Variants in ERCC8 observed in about 807,000 individuals in gnomAD.
ERCC8 encodes ERCC excision repair 8, CSA ubiquitin ligase complex subunit, also known as DNA excision repair protein ERCC-8.
A neutral mutation model predicts 54.9 loss-of-function variants in ERCC8; 52 were observed. The observed-to-expected ratio is 0.95, with a 90% confidence interval of 0.76 to 1.19. ERCC8 has a LOEUF of 1.19. Among genes scored for constraint, ERCC8 ranks in the 50% most tolerant of loss-of-function variants. The pLI, the probability that ERCC8 is intolerant of heterozygous loss-of-function variation, is 0.00. For synonymous variants in ERCC8, 146 were observed against 157.2 expected (o/e 0.93, Z 0.53); for missense variants, 514 against 466.1 (o/e 1.10, Z -0.95).
chr5:60,903,480 G>C, intron 6 of ERCC8, 168 bp downstream of exon 6: 1 of 1,183,846 alleles, frequency 8.4e-7, no homozygotes, highest in Non-Finnish European at 1.2e-6. Flanking sequence ...CAATGGTTCA[G>C]TTTTATAAGA....
Position 60,890,985 on chromosome 5 carries a change from G to A in ERCC8, c.945C>T (p.Thr315=), listed in dbSNP as rs1173045461. The change falls in exon 10 of 12, where the codon ACC becomes ACT. Residue 315 remains threonine (T), a synonymous_variant. Coordinates refer to ENST00000676185, the MANE Select transcript of ERCC8 (RefSeq NM_000082.4). The part of the protein sequence containing the change: ...SEFVFVPYGS[T]IAVYTVYSGE... ...CTGAGTAAACTGTATAAACAGCAATGGTGCTACCATATGGTACAAAAACAA... is the reference window on the plus strand; with the variant it reads ...CTGAGTAAACTGTATAAACAGCAATAGTGCTACCATATGGTACAAAAACAA... 4.3e-6 allele frequency: 7 copies of A among 1,612,516 alleles called. No individual in the cohort carries two copies. In the South Asian group the frequency reaches 7.7e-5, roughly 18 times the overall value.
In ERCC8 at chr5:60,898,397, T is replaced by C; in HGVS notation, c.722A>G (p.Asn241Ser). 6.2e-7 allele frequency: 1 copy of C among 1,613,426 alleles called. No homozygotes were observed. Among genetic ancestry groups the C allele is most frequent in the Non-Finnish European group, 8.5e-7 (1 of 1,179,514 alleles). Residue 241 changes from asparagine to serine, a missense_variant, in exon 9 of 12, where the codon AAC becomes AGC. Asn to Ser is a conservative substitution (Grantham distance 46). Transcript: ENST00000676185. ...ATTAACTTTCCCATTATGAGCAGTG[T>C]TTGCTGCAATGAAAAACATAGTTCA... ...GKKSQAVESANTAHNGKVNGL... is the reference protein window; with the variant it reads ...GKKSQAVESASTAHNGKVNGL...
At position 60,903,662 on chromosome 5, in the gene ERCC8, G is replaced by A; in HGVS notation, c.536C>T (p.Ser179Phe). The change falls in exon 6 of 12, where the codon TCT (serine) becomes TTT (phenylalanine). Residue 179 changes from serine (S) to phenylalanine (F), a missense_variant. Physicochemically the swap from Ser to Phe is radical, Grantham distance 155 (BLOSUM62 -2). Coordinates refer to ENST00000676185, the MANE Select transcript of ERCC8 (RefSeq NM_000082.4). ...AATAAAAATACCCTGTAGAATGTGA[G>A]AACAGGATCCAGACTTCAAGTCACA... ...QLCDLKSGSC[S>F]HILQGHRQEI... 3 of 1,612,430 alleles carry A rather than the reference G, an allele frequency of 1.9e-6. No homozygotes were observed. The highest frequency in any genetic ancestry group is 2.5e-6 in the Non-Finnish European group (3 of 1,178,974).
chr5:60,892,062 G>A, intron 9 of ERCC8: 1 of 531,270 alleles, frequency 1.9e-6, no homozygotes, highest in African/African-American at 1.9e-5. Context: ...CTAGAGCCTG[G>A]CCCTGTTGTA....
chr5:60,881,105 C>G (rs911665628), intron 11 of ERCC8, among the ~76,000 whole-genome samples: 3 of 152,088 alleles, frequency 2.0e-5, no homozygotes, highest in Admixed American at 1.3e-4. Flanking sequence ...AGCAACAGGT[C>G]TGTTGAAGTT....
At chr5:60,900,948 T>G (rs1748888921) in intron 7 of ERCC8, 1 of 151,998 alleles carries the variant, frequency 6.6e-6, no homozygotes, top group Non-Finnish European at 1.5e-5. Flanking sequence ...ATGGCTACAT[T>G]CTAGACCTTG....
chr5:60,888,700 G>T (rs1748466085), intron 10 of ERCC8, among the ~76,000 whole-genome samples: 1 of 152,190 alleles, frequency 6.6e-6, no homozygotes. Flanking sequence ...ATCTCAAAAT[G>T]TAAGTTACAA....
Position 60,873,559 on chromosome 5 carries a change from C to A in ERCC8, c.*1056G>T, listed in dbSNP as rs1747910733. Among the ~76,000 whole-genome samples the A allele has an allele frequency of 6.6e-6, 1 of 152,108 alleles. No homozygotes were observed. The highest frequency in any genetic ancestry group is 2.1e-4 in the South Asian group (1 of 4,822). Reference sequence around the variant, plus strand: ...GGGCGCAGTGGCGGGAGCCTGTAATCCCAGCTACTCAGGAGGCTTAGGCAG... The same window carrying A: ...GGGCGCAGTGGCGGGAGCCTGTAATACCAGCTACTCAGGAGGCTTAGGCAG... On this transcript the variant is annotated 3_prime_UTR_variant, in exon 12 of 12. Coordinates refer to ENST00000676185, the MANE Select transcript of ERCC8 (RefSeq NM_000082.4).
At chr5:60,878,563 T>C (rs1249425091) in intron 11 of ERCC8, among the ~76,000 whole-genome samples, 1 of 152,234 alleles carries the variant, frequency 6.6e-6, no homozygotes, top group East Asian at 1.9e-4. Context: ...GTTATTGGTC[T>C]ATTCAGAGAT....
At chr5:60,888,786 G>T (rs969558852) in intron 10 of ERCC8, among the ~76,000 whole-genome samples, 36 of 152,276 alleles carry the variant, frequency 2.4e-4, no homozygotes, top group African/African-American at 8.4e-4. Flanking sequence ...TACTACTCTT[G>T]AATAATTCAG....
At chr5:60,911,561 G>C (rs1561507620) in intron 4 of ERCC8, among the ~76,000 whole-genome samples, 2 of 152,000 alleles carry the variant, frequency 1.3e-5, no homozygotes, top group East Asian at 3.9e-4. Flanking sequence ...CTTAATGGTA[G>C]TTTCTTTTGC....
chr5:60,893,502 C>T, intron 9 of ERCC8: 1 of 880,956 alleles, frequency 1.1e-6, no homozygotes, highest in Non-Finnish European at 1.9e-6. Flanking sequence ...GCTTTCTTCC[C>T]ATTTTGTTTT....
rs1000579451 is a variant in ERCC8 at position 60,871,834 on chromosome 5, C to T, written c.*2781G>A. Among the ~76,000 whole-genome samples, 16 of 152,028 alleles carry T rather than the reference C, an allele frequency of 1.1e-4. No homozygotes were observed. The highest frequency in any genetic ancestry group is 3.9e-4 in the Admixed American group (6 of 15,266). ...TCTTTTGGGAGACACAAGGTCTCGC[C>T]ATGTCACCCAGGCTGGAGTGTAGTG... On this transcript the variant is annotated 3_prime_UTR_variant, in exon 12 of 12. Coordinates refer to ENST00000676185, the MANE Select transcript of ERCC8 (RefSeq NM_000082.4).
chr5:60,914,868 TC>T (rs1311850380), intron 4 of ERCC8, among the ~76,000 whole-genome samples: 1 of 151,866 alleles, frequency 6.6e-6, no homozygotes, highest in Non-Finnish European at 1.5e-5. Context: ...TATGTAGTTT[TC>T]CCCCTTCATT....
At chr5:60,879,807 G>C (rs543414511) in intron 11 of ERCC8, among the ~76,000 whole-genome samples, 11 of 152,242 alleles carry the variant, frequency 7.2e-5, no homozygotes, top group South Asian at 2.1e-4. Context: ...GATGGGTCTT[G>C]ACTCTTTATC....
At chr5:60,924,834 C>G (rs142645894) in intron 2 of ERCC8, among the ~76,000 whole-genome samples, 6 of 151,972 alleles carry the variant, frequency 3.9e-5, no homozygotes, top group Non-Finnish European at 5.9e-5. Flanking sequence ...TTTAGTCAGT[C>G]TTCATTTCTG....
intron 4 of ERCC8, among the ~76,000 whole-genome samples, chr5:60,909,269 A>AAAAAAAAAAAAAAAAAAC (rs1434863733): frequency 6.8e-6 from 1 of 146,194 alleles, no homozygotes; most frequent in Non-Finnish European, 1.5e-5. Context: ...AAAAAAAAAA[A>AAAAAAAAAAAAAAAAAAC]AAAAAAAAAG....
At chr5:60,887,898 G>A (rs1056110552) in intron 10 of ERCC8, among the ~76,000 whole-genome samples, 5 of 152,116 alleles carry the variant, frequency 3.3e-5, no homozygotes, top group Non-Finnish European at 4.4e-5. Flanking sequence ...CCATATGAGC[G>A]TCTACTAAAA....
At chr5:60,915,315 A>C (rs1749399830) in intron 4 of ERCC8, 1 of 151,930 alleles carries the variant, frequency 6.6e-6, no homozygotes, top group African/African-American at 2.4e-5. Flanking sequence ...AAATTGGGAG[A>C]GATTCTGCGT....
Sources: allele counts gnomAD v4.1 joint callset (sites outside exome capture counted in the v4.1 genomes callset), GRCh38; gene constraint gnomAD v4.1.1; transcripts MANE v1.5; gene names NCBI Gene and HGNC (gene_info 2026-07-23, HGNC 2026-07-21).